ABTB3: variants seen among roughly 807,000 people sequenced by gnomAD.
ABTB3 encodes ankyrin repeat- and BTB/POZ domain-containing protein 3.
chr12:107,363,306 G>A, the ABTB3 span, among the ~76,000 whole-genome samples: 1 of 152,244 alleles, frequency 6.6e-6, no homozygotes, highest in Non-Finnish European at 1.5e-5. Flanking sequence ...AAGTGTCCTT[G>A]CTTCTTAGAG....
the ABTB3 span, among the ~76,000 whole-genome samples, chr12:107,577,730 G>A: frequency 1.3e-5 from 2 of 152,106 alleles, no homozygotes; most frequent in African/African-American, 2.4e-5. Context: ...CTCAGGCCAC[G>A]TGGTTGGGGA....
At chr12:107,580,612 C>T in the ABTB3 span, 1 of 269,192 alleles carries the variant, frequency 3.7e-6, no homozygotes, top group Non-Finnish European at 7.1e-6. Flanking sequence ...GTGCCAAAGC[C>T]TTTTGGCAGC....
At chr12:107,541,208 G>A in the ABTB3 span, among the ~76,000 whole-genome samples, 1 of 152,200 alleles carries the variant, frequency 6.6e-6, no homozygotes, top group Non-Finnish European at 1.5e-5. Context: ...AGCCTTCGGA[G>A]GAGAAACTCC....
chr12:107,580,758 G>A, the ABTB3 span: 11 of 1,412,888 alleles, frequency 7.8e-6, no homozygotes, highest in South Asian at 5.7e-5. Flanking sequence ...GAAATAACAC[G>A]GGGCGCTGAT....
chr12:107,476,187 C>T, the ABTB3 span, among the ~76,000 whole-genome samples: 1 of 152,126 alleles, frequency 6.6e-6, no homozygotes, highest in African/African-American at 2.4e-5. Context: ...GCTGTTCAGC[C>T]CCTTGTCTGC....
chr12:107,415,474 C>T, the ABTB3 span, among the ~76,000 whole-genome samples: 8 of 151,970 alleles, frequency 5.3e-5, no homozygotes, highest in South Asian at 2.1e-4. Flanking sequence ...TTTGGGAGGC[C>T]GAGGTGGGCG....
At chr12:107,571,914 G>C in the ABTB3 span, among the ~76,000 whole-genome samples, 1 of 152,346 alleles carries the variant, frequency 6.6e-6, no homozygotes, top group African/African-American at 2.4e-5. Flanking sequence ...AGACCTGATG[G>C]TCTCAGCCTT....
At chr12:107,400,598 A>AGG in the ABTB3 span, among the ~76,000 whole-genome samples, 1 of 152,114 alleles carries the variant, frequency 6.6e-6, no homozygotes, top group South Asian at 2.1e-4. Context: ...AATAGGATCT[A>AGG]CTTCCTGCCA....
the ABTB3 span, among the ~76,000 whole-genome samples, chr12:107,597,148 G>A: frequency 2.0e-5 from 3 of 152,224 alleles, no homozygotes; most frequent in South Asian, 4.1e-4. Context: ...GATATTCTGA[G>A]TCTGTAGACT....
chr12:107,464,949 TACACAC>T, the ABTB3 span, among the ~76,000 whole-genome samples: 13 of 146,540 alleles, frequency 8.9e-5, no homozygotes, highest in Non-Finnish European at 1.5e-4. Flanking sequence ...CTCCCTACCT[TACACAC>T]ACACACACAC....
the ABTB3 span, among the ~76,000 whole-genome samples, chr12:107,434,038 G>A: frequency 1.8e-4 from 28 of 152,256 alleles, no homozygotes; most frequent in African/African-American, 5.8e-4. Context: ...ATCTGCTAAA[G>A]GCTCCATCTC....
chr12:107,525,281 C>A, the ABTB3 span, among the ~76,000 whole-genome samples: 1 of 120,674 alleles, frequency 8.3e-6, no homozygotes, highest in Admixed American at 1.1e-4. Flanking sequence ...GAGTCATGAT[C>A]ACACCTCTGC....
chr12:107,523,009 A>G, the ABTB3 span, among the ~76,000 whole-genome samples: 15,073 of 152,270 alleles, frequency 0.099, 819 homozygotes, highest in South Asian at 0.15. Flanking sequence ...TTGATTATCA[A>G]TTTAGCTGAA....
At chr12:107,565,097 C>T in the ABTB3 span, among the ~76,000 whole-genome samples, 6 of 152,160 alleles carry the variant, frequency 3.9e-5, no homozygotes, top group Non-Finnish European at 7.3e-5. Flanking sequence ...ATAGCAAGAC[C>T]GAGAGAGGCT....
At chr12:107,484,597 C>T in the ABTB3 span, among the ~76,000 whole-genome samples, 3 of 140,000 alleles carry the variant, frequency 2.1e-5, no homozygotes, top group African/African-American at 7.9e-5. Flanking sequence ...TCTGATCTGA[C>T]TTTTTTTTTT....
the ABTB3 span, among the ~76,000 whole-genome samples, chr12:107,341,440 G>A: frequency 3.9e-5 from 6 of 152,092 alleles, no homozygotes; most frequent in Admixed American, 3.9e-4. Context: ...GACTGAGGGG[G>A]GTAAGAAGAA....
At chr12:107,408,627 A>T in the ABTB3 span, among the ~76,000 whole-genome samples, 1 of 152,190 alleles carries the variant, frequency 6.6e-6, no homozygotes. Context: ...TGTACAGATG[A>T]GTGTAATGAG....
the ABTB3 span, among the ~76,000 whole-genome samples, chr12:107,383,538 T>C: frequency 6.6e-6 from 1 of 152,152 alleles, no homozygotes; most frequent in East Asian, 1.9e-4. Context: ...GAGTTAACAT[T>C]TATAAAGCCC....
chr12:107,638,524 A>T, the ABTB3 span, among the ~76,000 whole-genome samples: 1 of 152,174 alleles, frequency 6.6e-6, no homozygotes, highest in Non-Finnish European at 1.5e-5. Flanking sequence ...CCCCTGGGGA[A>T]GGGACCATCA....
Sources: allele counts gnomAD v4.1 joint callset (sites outside exome capture counted in the v4.1 genomes callset), GRCh38; gene constraint gnomAD v4.1.1; transcripts MANE v1.5; gene names NCBI Gene and HGNC (gene_info 2026-07-23, HGNC 2026-07-21).